NELL1: variants seen among roughly 807,000 people sequenced by gnomAD.
NELL1 encodes neural EGFL like 1, also known as protein kinase C-binding protein NELL1.
Under a neutral mutation model 107.4 loss-of-function variants are expected in NELL1, and 76 were observed. The ratio of observed to expected loss-of-function variants is 0.71; its 90% CI spans 0.59 to 0.86. The LOEUF is 0.86. Among genes scored for constraint, NELL1 ranks in the 40% least tolerant of loss-of-function variants. The probability of loss-of-function intolerance (pLI) is 0.00; values close to 1 mark genes in which losing one functional copy is unlikely to be tolerated. For missense variants in NELL1, 1,024 were observed against 1,005.5 expected (o/e 1.02, Z -0.25); for synonymous variants, 353 against 341.2 (o/e 1.03, Z -0.38).
intron 7 of NELL1, 154 bp from the exon 8 acceptor site, chr11:20,927,153 TA>T (rs1381065740): frequency 2.2e-5 from 14 of 638,046 alleles, no homozygotes; most frequent in African/African-American, 5.6e-5. Context: ...GTAAAAAAAA[TA>T]AAAAAAACAA....
chr11:21,337,805 T>TTTCC lies in NELL1; in HGVS notation c.1550-33045_1550-33044insCTTC, dbSNP rs1850457469. Among the ~76,000 whole-genome samples the TTTCC allele has an allele frequency of 4.2e-5, 3 of 70,922 alleles. No homozygotes were observed. The South Asian group carries it at 2.1e-3, about 49-fold the overall frequency. 46.5% of individuals were successfully genotyped at this position (70,922 alleles called of 152,430 possible). On this transcript the variant is annotated intron_variant, in intron 14 of 19. Coordinates refer to ENST00000357134, the MANE Select transcript of NELL1 (RefSeq NM_006157.5). ...CTTTCTTTCTTTCTTTCCTTCTTTC[T>TTTCC]TTCTTGCTTTCCTTCTTTCTTTCTT... is the stretch of plus-strand genomic sequence containing the variant.
chr11:21,159,604 A>G (rs545100121), intron 13 of NELL1, among the ~76,000 whole-genome samples: 72 of 152,300 alleles, frequency 4.7e-4, no homozygotes, highest in Admixed American at 1.2e-3. Context: ...AGAGCTAAAG[A>G]TCCTGGCAGA....
At chr11:21,245,602 T>C (rs562762876) in intron 14 of NELL1, among the ~76,000 whole-genome samples, 1 of 152,320 alleles carries the variant, frequency 6.6e-6, no homozygotes, top group South Asian at 2.1e-4. Flanking sequence ...CACTGCACTG[T>C]ACTTGTTAAT....
chr11:21,365,645 T>A (rs1851203068), intron 14 of NELL1, among the ~76,000 whole-genome samples: 1 of 152,166 alleles, frequency 6.6e-6, no homozygotes, highest in Admixed American at 6.6e-5. Context: ...AAAAGTGATT[T>A]TTGAAGTAAA....
At chr11:21,355,489 C>A (rs766798630) in intron 14 of NELL1, among the ~76,000 whole-genome samples, 30 of 152,140 alleles carry the variant, frequency 2.0e-4, no homozygotes, top group Admixed American at 8.5e-4. Flanking sequence ...GAAGGTGATA[C>A]TTCATAGAGA....
Position 21,204,763 on chromosome 11 carries a change from G to A in NELL1, c.1427-24569G>A, listed in dbSNP as rs140378293. On this transcript the variant is annotated intron_variant, in intron 13 of 19. Transcript: ENST00000357134. ...CATCTTTGTGTATTTATCTACCTTT[G>A]TTCTTTGATGTTGGAGACCTTTGGA... Among the ~76,000 whole-genome samples the A allele has an allele frequency of 1.5e-4, 23 of 152,102 alleles. No individual in the cohort carries two copies. The East Asian group carries it at 2.9e-3, about 19-fold the overall frequency.
At chr11:21,319,355 T>C (rs560786468) in intron 14 of NELL1, among the ~76,000 whole-genome samples, 1 of 151,390 alleles carries the variant, frequency 6.6e-6, no homozygotes, top group East Asian at 2.0e-4. Context: ...TTTATTTTAT[T>C]ATTTTTTATT....
chr11:21,519,847 A>T (rs1855673714), intron 15 of NELL1, among the ~76,000 whole-genome samples: 1 of 152,186 alleles, frequency 6.6e-6, no homozygotes, highest in Non-Finnish European at 1.5e-5. Context: ...ATTATAGTCC[A>T]GGTTGGGAGA....
intron 4 of NELL1, among the ~76,000 whole-genome samples, chr11:20,874,439 T>A (rs1043958965): frequency 6.6e-6 from 1 of 152,240 alleles, no homozygotes; most frequent in Admixed American, 6.5e-5. Context: ...ACACCTGGAT[T>A]TGAATTTAGA....
At chr11:21,182,108 A>G (rs1179802099) in intron 13 of NELL1, among the ~76,000 whole-genome samples, 1 of 151,860 alleles carries the variant, frequency 6.6e-6, no homozygotes, top group Non-Finnish European at 1.5e-5. Context: ...TTCAAATTCT[A>G]GCAGACGCCA....
At chr11:21,348,196 A>G (rs1475322003) in intron 14 of NELL1, among the ~76,000 whole-genome samples, 2 of 152,188 alleles carry the variant, frequency 1.3e-5, no homozygotes, top group African/African-American at 4.8e-5. Context: ...TGCTCAGGCT[A>G]TTTCCCAAAC....
intron 12 of NELL1, among the ~76,000 whole-genome samples, chr11:21,030,622 ATTTTTTTTTT>A (rs201033870): frequency 2.5e-5 from 3 of 120,124 alleles, no homozygotes; most frequent in Non-Finnish European, 3.7e-5. Context: ...ATTTTCTTGT[ATTTTTTTTTT>A]TTTTTTTTTT....
At chr11:20,928,729 G>A (rs1850554793) in intron 9 of NELL1, among the ~76,000 whole-genome samples, 1 of 151,562 alleles carries the variant, frequency 6.6e-6, no homozygotes, top group Admixed American at 6.6e-5. Flanking sequence ...TTCATTCTAT[G>A]TGGAAGGAAC....
chr11:20,790,907 C>T (rs1857061486), intron 3 of NELL1, among the ~76,000 whole-genome samples: 1 of 152,208 alleles, frequency 6.6e-6, no homozygotes, highest in African/African-American at 2.4e-5. Context: ...CTCCAGACAG[C>T]CTGCCGCTAC....
chr11:20,774,791 T>A (rs1370208602), intron 2 of NELL1, among the ~76,000 whole-genome samples: 2 of 152,182 alleles, frequency 1.3e-5, no homozygotes, highest in African/African-American at 4.8e-5. Context: ...CGAGAGCATC[T>A]CTTGCTGGAA....
chr11:21,567,821 ATT>A, intron 17 of NELL1, among the ~76,000 whole-genome samples: 1 of 152,006 alleles, frequency 6.6e-6, no homozygotes, highest in East Asian at 2.0e-4. Flanking sequence ...TTTGCAAAGC[ATT>A]GTGACAGGAA....
Position 20,752,894 on chromosome 11 carries a change from A to G in NELL1, c.185-30786A>G, listed in dbSNP as rs558607040. On this transcript the variant is annotated intron_variant, in intron 2 of 19. Transcript: ENST00000357134. ...TAATTTTAAGATCTTATCATTAACT[A>G]TGTCTGGGTGAAGTAGAAGAAAAAG... Among the ~76,000 whole-genome samples the G allele has an allele frequency of 9.8e-5, 15 of 152,312 alleles. No homozygotes were observed. The East Asian group carries it at 1.5e-3, about 16-fold the overall frequency.
chr11:20,957,870 A>G (rs1296336831), intron 11 of NELL1, among the ~76,000 whole-genome samples: 1 of 152,214 alleles, frequency 6.6e-6, no homozygotes, highest in African/African-American at 2.4e-5. Context: ...GAAAAGAAAC[A>G]GAAGATATGA....
At chr11:21,517,739 T>A (rs1855604240) in intron 15 of NELL1, among the ~76,000 whole-genome samples, 1 of 152,172 alleles carries the variant, frequency 6.6e-6, no homozygotes, top group East Asian at 1.9e-4. Flanking sequence ...TCATGGGCAA[T>A]GACATTATCC....
Sources: allele counts gnomAD v4.1 joint callset (sites outside exome capture counted in the v4.1 genomes callset), GRCh38; gene constraint gnomAD v4.1.1; transcripts MANE v1.5; gene names NCBI Gene and HGNC (gene_info 2026-07-23, HGNC 2026-07-21).